ITGB1: variants seen among roughly 807,000 people sequenced by gnomAD.
ITGB1 encodes integrin beta-1.
Under a neutral mutation model 86.5 loss-of-function variants are expected in ITGB1, and 24 were observed. The observed-to-expected ratio is 0.28, with a 90% confidence interval of 0.20 to 0.39. The LOEUF (loss-of-function observed/expected upper bound fraction) is 0.39. ITGB1 is among the 10% of genes least tolerant of loss of function. The pLI is 1.00. For synonymous variants in ITGB1, 323 were observed against 316.8 expected, an observed-to-expected ratio of 1.02 and a Z score of -0.21; for missense variants, 556 against 946.9, an observed-to-expected ratio of 0.59 and a Z score of 5.42.
intron 15 of ITGB1, among the ~76,000 whole-genome samples, chr10:32,906,293 T>C (rs1468104625): frequency 6.6e-6 from 1 of 152,162 alleles, no homozygotes; most frequent in Non-Finnish European, 1.5e-5. Context: ...AAATTTGTTA[T>C]TTAAGGATAA....
In ITGB1 at chr10:32,938,624, C is replaced by T. The variant is rs546660651; in HGVS notation, c.1-3066G>A. On this transcript the variant is annotated intron_variant, in intron 1 of 15. Transcript: ENST00000302278. ...GAAGAGCTCCAAACCCGGAAGCAGG[C>T]GAAACAAGGCTTCAGTGTTGAAGAA... Among the ~76,000 whole-genome samples the T allele has an allele frequency of 1.1e-4, 16 of 152,230 alleles. 1 individual carries two copies. In the South Asian group the frequency reaches 2.7e-3, roughly 26 times the overall value.
intron 14 of ITGB1, among the ~76,000 whole-genome samples, chr10:32,909,519 A>C (rs1211268933): frequency 6.6e-6 from 1 of 152,168 alleles, no homozygotes; most frequent in Non-Finnish European, 1.5e-5. Flanking sequence ...TGGTGTTCAG[A>C]AGACACTTAA....
At chr10:32,920,152 GT>G in intron 10 of ITGB1, 68 bp from the exon 11 acceptor site, 1 of 1,561,812 alleles carries the variant, frequency 6.4e-7, no homozygotes, top group Admixed American at 1.8e-5. Context: ...ATTTCAAAAA[GT>G]TGCTCACTTA....
At chr10:32,927,729 G>A (rs1429266281) in intron 5 of ITGB1, among the ~76,000 whole-genome samples, 1 of 151,626 alleles carries the variant, frequency 6.6e-6, no homozygotes, top group Non-Finnish European at 1.5e-5. Flanking sequence ...GGGAAGCGGA[G>A]GTTGCAGTGA....
chr10:32,902,017 T>C (rs899551873), intron 15 of ITGB1, among the ~76,000 whole-genome samples: 4 of 152,174 alleles, frequency 2.6e-5, no homozygotes, highest in South Asian at 2.1e-4. Context: ...CTGATTCTTA[T>C]CCCTTTATCG....
At chr10:32,951,322 G>A (rs1386923964) in intron 1 of ITGB1, among the ~76,000 whole-genome samples, 1 of 151,664 alleles carries the variant, frequency 6.6e-6, no homozygotes, top group Admixed American at 6.6e-5. Flanking sequence ...AACATAACAG[G>A]AAAATCACAC....
intron 1 of ITGB1, among the ~76,000 whole-genome samples, chr10:32,943,164 C>T (rs2095022990): frequency 6.6e-6 from 1 of 152,152 alleles, no homozygotes; most frequent in Admixed American, 6.5e-5. Flanking sequence ...ATCCAAGTGA[C>T]AACTTAAATT....
chr10:32,905,383 A>T (rs370436710), intron 15 of ITGB1, among the ~76,000 whole-genome samples: 5 of 152,238 alleles, frequency 3.3e-5, no homozygotes, highest in Non-Finnish European at 5.9e-5. Flanking sequence ...AAACACAACA[A>T]CAGCACTGGG....
At chr10:32,947,463 G>GTGTGTGTGTGTGTGTGTT (rs1555222173) in intron 1 of ITGB1, among the ~76,000 whole-genome samples, 1 of 151,542 alleles carries the variant, frequency 6.6e-6, no homozygotes, top group African/African-American at 2.4e-5. Flanking sequence ...GTGTGTGTGT[G>GTGTGTGTGTGTGTGTGTT]TGTGTACGTA....
chr10:32,940,849 C>T (rs2095016689), intron 1 of ITGB1, among the ~76,000 whole-genome samples: 1 of 152,192 alleles, frequency 6.6e-6, no homozygotes, highest in Admixed American at 6.5e-5. Context: ...TTCTTTAACA[C>T]ACTCTACTCC....
intron 1 of ITGB1, among the ~76,000 whole-genome samples, chr10:32,942,087 A>C (rs1454271019): frequency 6.6e-6 from 1 of 152,112 alleles, no homozygotes; most frequent in African/African-American, 2.4e-5. Context: ...AAGAAAGGAG[A>C]ACTGGGGGCA....
intron 2 of ITGB1, among the ~76,000 whole-genome samples, chr10:32,932,949 A>C (rs2094988719): frequency 6.6e-6 from 1 of 152,112 alleles, no homozygotes; most frequent in African/African-American, 2.4e-5. Context: ...AAAATATGCA[A>C]CTATATTATT....
chr10:32,938,115 G>T (rs1320826866), intron 1 of ITGB1, among the ~76,000 whole-genome samples: 1 of 152,204 alleles, frequency 6.6e-6, no homozygotes, highest in Non-Finnish European at 1.5e-5. Flanking sequence ...AGCAAAATCT[G>T]AGTGTCACAG....
intron 15 of ITGB1, among the ~76,000 whole-genome samples, chr10:32,902,573 A>C (rs929750309): frequency 1.3e-5 from 2 of 152,244 alleles, no homozygotes; most frequent in Non-Finnish European, 2.9e-5. Context: ...GTACAAATAA[A>C]AAATACTTGT....
At chr10:32,947,468 T>TGTGTGTGTGTGTGTGTGTGTGTAC in intron 1 of ITGB1, among the ~76,000 whole-genome samples, 1 of 150,434 alleles carries the variant, frequency 6.6e-6, no homozygotes, top group Non-Finnish European at 1.5e-5. Flanking sequence ...TGTGTGTGTG[T>TGTGTGTGTGTGTGTGTGTGTGTAC]ACGTACATAC....
intron 1 of ITGB1, among the ~76,000 whole-genome samples, chr10:32,948,592 G>A (rs55747851): frequency 0.11 from 16,278 of 152,100 alleles, 1,016 homozygotes; most frequent in Admixed American, 0.21. Context: ...AGGTGATAAG[G>A]TCATGAGGGC....
chr10:32,956,060 C>G (rs777906186), intron 1 of ITGB1, among the ~76,000 whole-genome samples: 1 of 152,164 alleles, frequency 6.6e-6, no homozygotes, highest in Non-Finnish European at 1.5e-5. Context: ...CACCTTCATA[C>G]TCAATTTTGG....
At chr10:32,928,775 TATC>T (rs947548894) in intron 4 of ITGB1, among the ~76,000 whole-genome samples, 13 of 151,322 alleles carry the variant, frequency 8.6e-5, no homozygotes, top group African/African-American at 2.9e-4. Flanking sequence ...TTATTTTTAT[TATC>T]ATTATGAGGC....
At chr10:32,948,574 C>T (rs2095036657) in intron 1 of ITGB1, among the ~76,000 whole-genome samples, 1 of 152,072 alleles carries the variant, frequency 6.6e-6, no homozygotes, top group Non-Finnish European at 1.5e-5. Flanking sequence ...AGAGGTGGGA[C>T]TTTTAAGAGG....
Sources: gnomAD v4.1 joint callset for allele counts (sites outside exome capture counted in the v4.1 genomes callset) on GRCh38, gnomAD v4.1.1 for gene constraint, MANE v1.5 for transcripts, NCBI Gene and HGNC (gene_info 2026-07-23, HGNC 2026-07-21) for gene names.